The following CD99L2 variants were observed in gnomAD, a reference collection of about 807,000 sequenced individuals.
The protein encoded by CD99L2 is CD99 molecule like 2.
CD99L2 carries 24 observed loss-of-function variants against 27.3 expected under a neutral mutation model. The observed-to-expected ratio is 0.88, with a 90% confidence interval of 0.64 to 1.24. The LOEUF is 1.24. Among genes scored for constraint, CD99L2 ranks in the 50% most tolerant of loss-of-function variants. The pLI is 0.00. For synonymous variants in CD99L2, 97 were observed against 87.9 expected, an observed-to-expected ratio of 1.10 and a Z score of -0.58; for missense variants, 255 against 221.6, an observed-to-expected ratio of 1.15 and a Z score of -0.96.
intron 1 of CD99L2, among the ~76,000 whole-genome samples, chrX:150,838,185 A>G (rs1422281220): frequency 8.9e-6 from 1 of 112,092 alleles, no homozygotes; most frequent in Non-Finnish European, 1.9e-5. Context: ...ATAGCTGACC[A>G]ATCTTCAAAA....
intron 1 of CD99L2, among the ~76,000 whole-genome samples, chrX:150,889,923 C>T (rs1319822701): frequency 9.0e-6 from 1 of 110,708 alleles, no homozygotes; most frequent in African/African-American, 3.3e-5. Flanking sequence ...GAGGCCGAGG[C>T]GGGCGGATCA....
At chrX:150,849,223 T>A (rs1231224443) in intron 1 of CD99L2, among the ~76,000 whole-genome samples, 1 of 111,409 alleles carries the variant, frequency 9.0e-6, no homozygotes, top group Non-Finnish European at 1.9e-5. Flanking sequence ...TGGTGCTTTG[T>A]AAACACTGAC....
At position 150,824,016 on chromosome X, in the gene CD99L2, G is replaced by A. The variant is rs782246769; in HGVS notation, c.130+7215C>T. On this transcript the variant is annotated intron_variant, in intron 2 of 10. Transcript: ENST00000370377. Reference sequence around the variant, plus strand: ...AAGAAGAAGAAGAAGAGGAGGAGGAGGAAGAGGAAGAGGAGGAGGAGGAGG... The same window carrying A: ...AAGAAGAAGAAGAAGAGGAGGAGGAAGAAGAGGAAGAGGAGGAGGAGGAGG... Among the ~76,000 whole-genome samples, 11 of 97,908 alleles carry A rather than the reference G, an allele frequency of 1.1e-4. No individual in the cohort carries two copies. The South Asian group carries it at 6.1e-3, about 54-fold the overall frequency. The allele number at this position is 97,908 out of a possible 115,157, so 85.0% of individuals were successfully genotyped here.
At chrX:150,881,903 C>T (rs1195734954) in intron 1 of CD99L2, among the ~76,000 whole-genome samples, 1 of 107,667 alleles carries the variant, frequency 9.3e-6, no homozygotes, top group East Asian at 2.9e-4. Flanking sequence ...CTGCAACCTC[C>T]GCCTCCCGGG....
chrX:150,781,733 C>T (rs1180239229), intron 7 of CD99L2, among the ~76,000 whole-genome samples: 1 of 111,918 alleles, frequency 8.9e-6, no homozygotes, highest in African/African-American at 3.2e-5. Context: ...TAGGGACCGT[C>T]ACTGTAGCAA....
rs376967272 is a variant in CD99L2, at chrX:150,807,499, A to G, written c.277+7363T>C. 2.5e-4 allele frequency among the ~76,000 whole-genome samples: 28 copies of G among 112,481 alleles called. No individual in the cohort carries two copies. The East Asian group carries it at 6.7e-3, about 27-fold the overall frequency. On this transcript the variant is annotated intron_variant, in intron 4 of 10. Coordinates refer to ENST00000370377, the MANE Select transcript of CD99L2 (RefSeq NM_031462.4). ...CAGGCCAGTTGTGCTGCTGGCTTGC[A>G]GCGCGACCTTGGACAAGTCCCTCTC...
Position 150,771,687 on chromosome X carries a change from G to A in CD99L2, c.656-1318C>T, listed in dbSNP as rs190062690. The A allele has an allele frequency of 6.3e-4, 525 of 836,318 alleles. 6 individuals are homozygous for A. The African/African-American group carries it at 7.2e-3, about 12-fold the overall frequency. 68.9% of individuals were successfully genotyped at this position (836,318 alleles called of 1,213,427 possible). A position where few individuals can be genotyped will look rare whatever the true frequency, so the allele number is the denominator to read the frequency against. ...AGATGGTCCTGGTTACAGCCACGTC[G>A]GTGAGTGCCAGGGAAGCAGGAGGGA... is the stretch of plus-strand genomic sequence containing the variant. On this transcript the variant is annotated intron_variant, in intron 9 of 10. Coordinates refer to ENST00000370377, the MANE Select transcript of CD99L2 (RefSeq NM_031462.4).
At chrX:150,786,566 G>T (rs1431661031) in intron 7 of CD99L2, among the ~76,000 whole-genome samples, 1 of 111,581 alleles carries the variant, frequency 9.0e-6, no homozygotes, top group Non-Finnish European at 1.9e-5. Context: ...ATTTTTTAAG[G>T]CTGTGTAGTA....
intron 4 of CD99L2, among the ~76,000 whole-genome samples, chrX:150,803,584 A>T (rs897423584): frequency 8.9e-6 from 1 of 112,254 alleles, no homozygotes; most frequent in Admixed American, 9.5e-5. Flanking sequence ...ACAGACAGAC[A>T]GATCAATCAA....
intron 7 of CD99L2, among the ~76,000 whole-genome samples, chrX:150,791,321 A>G (rs1445604784): frequency 1.8e-5 from 2 of 111,903 alleles, no homozygotes; most frequent in African/African-American, 6.5e-5. Context: ...GAATACTCAG[A>G]TCTTGGTTTC....
intron 1 of CD99L2, among the ~76,000 whole-genome samples, chrX:150,876,317 C>A (rs183576292): frequency 8.8e-4 from 99 of 111,999 alleles, no homozygotes; most frequent in African/African-American, 3.1e-3. Flanking sequence ...AACCTGAGTT[C>A]TTTTCTTCTA....
intron 1 of CD99L2, among the ~76,000 whole-genome samples, chrX:150,888,372 C>G (rs2047447261): frequency 9.0e-6 from 1 of 111,571 alleles, no homozygotes; most frequent in Non-Finnish European, 1.9e-5. Context: ...GAGTACTGAT[C>G]CACGCTACAA....
intron 1 of CD99L2, among the ~76,000 whole-genome samples, chrX:150,832,328 T>C (rs900193146): frequency 8.0e-5 from 9 of 112,363 alleles, no homozygotes; most frequent in African/African-American, 2.9e-4. Context: ...TTTAAAAATA[T>C]CTTGAGACGG....
chrX:150,832,486 G>A (rs181590809), intron 1 of CD99L2, among the ~76,000 whole-genome samples: 4 of 111,381 alleles, frequency 3.6e-5, no homozygotes, highest in South Asian at 3.8e-4. Flanking sequence ...TTAGCTGGGT[G>A]TGGTGGTGCA....
intron 1 of CD99L2, among the ~76,000 whole-genome samples, chrX:150,857,746 C>T (rs1355208135): frequency 6.3e-5 from 7 of 111,977 alleles, no homozygotes; most frequent in Non-Finnish European, 1.3e-4. Flanking sequence ...AGCCACCAAA[C>T]CACAATGGCA....
chrX:150,873,212 A>C (rs1557422227), intron 1 of CD99L2, among the ~76,000 whole-genome samples: 1 of 112,328 alleles, frequency 8.9e-6, no homozygotes, highest in Admixed American at 9.4e-5. Context: ...CATGTAGTGG[A>C]ATATAATCCA....
chrX:150,851,389 A>G (rs782225063), intron 1 of CD99L2, among the ~76,000 whole-genome samples: 2 of 112,192 alleles, frequency 1.8e-5, no homozygotes, highest in African/African-American at 6.5e-5. Flanking sequence ...GTGAGCTGGC[A>G]TGGTGCCGAT....
chrX:150,807,279 G>T (rs1435805957), intron 4 of CD99L2, among the ~76,000 whole-genome samples: 1 of 111,359 alleles, frequency 9.0e-6, no homozygotes, highest in East Asian at 2.8e-4. Context: ...TGATTTTGAG[G>T]TATTCCAACA....
intron 4 of CD99L2, among the ~76,000 whole-genome samples, chrX:150,812,519 T>C (rs1234007758): frequency 8.9e-6 from 1 of 111,895 alleles, no homozygotes; most frequent in Non-Finnish European, 1.9e-5. Flanking sequence ...CACACACTTA[T>C]AAAATGGCTA....
Sources: allele counts gnomAD v4.1 joint callset (sites outside exome capture counted in the v4.1 genomes callset), GRCh38; gene constraint gnomAD v4.1.1; transcripts MANE v1.5; gene names NCBI Gene and HGNC (gene_info 2026-07-23, HGNC 2026-07-21).